The following ADARB2 variants were observed in gnomAD, a reference collection of about 807,000 sequenced individuals.
The protein encoded by ADARB2 is adenosine deaminase RNA specific B2 (inactive).
Under a neutral mutation model 62.2 loss-of-function variants are expected in ADARB2, and 25 were observed. The observed-to-expected ratio is 0.40, with a 90% confidence interval of 0.29 to 0.56. The LOEUF (loss-of-function observed/expected upper bound fraction) is 0.56, where lower values mean the gene tolerates loss of function less well. Ranked by LOEUF, ADARB2 falls within the 20% of genes least tolerant of loss-of-function variation. The pLI, the probability that ADARB2 is intolerant of heterozygous loss-of-function variation, is 0.43. For synonymous variants in ADARB2, 572 were observed against 500.8 expected (o/e 1.14, Z -1.90); for missense variants, 1,071 against 1,077.4 (o/e 0.99, Z 0.08).
At chr10:1,264,068 C>A (rs574553745) in intron 4 of ADARB2, among the ~76,000 whole-genome samples, 6 of 152,144 alleles carry the variant, frequency 3.9e-5, no homozygotes, top group African/African-American at 1.4e-4. Context: ...AGCCGTCGGC[C>A]TCCGTGAATC....
At chr10:1,204,914 A>G (rs1837032163) in intron 7 of ADARB2, among the ~76,000 whole-genome samples, 1 of 152,216 alleles carries the variant, frequency 6.6e-6, no homozygotes. Flanking sequence ...CTAGGCTCTC[A>G]GTGACCCCAC....
intron 3 of ADARB2, among the ~76,000 whole-genome samples, chr10:1,294,085 C>T (rs769561087): frequency 6.6e-6 from 1 of 152,110 alleles, no homozygotes; most frequent in Non-Finnish European, 1.5e-5. Flanking sequence ...AGGTGGGCTG[C>T]AGGGTGAGGA....
rs1832284695 is a variant in ADARB2 at position 1,363,681 on chromosome 10, A to G, written c.424T>C (p.Tyr142His). The change falls in exon 3 of 10, where the codon TAC (tyrosine) becomes CAC (histidine). Residue 142 changes from tyrosine to histidine, a missense_variant. Physicochemically the swap from Tyr to His is moderately conservative, Grantham distance 83 (BLOSUM62 2). Transcript: ENST00000381312. ...GGGCCCGTCTGCGACACTGTCCGGT[A>G]CTGCAGGCCCGGCCTCAGCTCGTGC... ...QLHELRPGLQ[Y>H]RTVSQTGPVH... 6.2e-7 allele frequency: 1 copy of G among 1,611,320 alleles called. No homozygotes were observed.
At chr10:1,511,480 T>C (rs571938794) in intron 1 of ADARB2, among the ~76,000 whole-genome samples, 1 of 151,644 alleles carries the variant, frequency 6.6e-6, no homozygotes, top group Non-Finnish European at 1.5e-5. Context: ...GTCAACGAGG[T>C]AGGGATTCCT....
At chr10:1,295,426 G>T (rs957832781) in intron 3 of ADARB2, among the ~76,000 whole-genome samples, 1 of 152,192 alleles carries the variant, frequency 6.6e-6, no homozygotes, top group African/African-American at 2.4e-5. Context: ...TCATTTAGGT[G>T]ATAATCAGAT....
At chr10:1,240,699 T>C (rs1589162660) in intron 5 of ADARB2, among the ~76,000 whole-genome samples, 1 of 152,064 alleles carries the variant, frequency 6.6e-6, no homozygotes, top group Non-Finnish European at 1.5e-5. Flanking sequence ...AGGCGTCGGG[T>C]GCACCTGTCT....
At chr10:1,699,346 G>A (rs78436672) in intron 1 of ADARB2, among the ~76,000 whole-genome samples, 3 of 17,780 alleles carry the variant, frequency 1.7e-4, no homozygotes, top group Admixed American at 5.0e-4. Flanking sequence ...CCACTCCACC[G>A]GGAGACCAGG....
chr10:1,507,685 G>A (rs868530210), intron 1 of ADARB2, among the ~76,000 whole-genome samples: 3 of 152,326 alleles, frequency 2.0e-5, no homozygotes, highest in Middle Eastern at 3.4e-3. Flanking sequence ...TCCAGGACTC[G>A]ATGGAGGGGC....
At chr10:1,539,093 G>T (rs1832375802) in intron 1 of ADARB2, among the ~76,000 whole-genome samples, 1 of 152,218 alleles carries the variant, frequency 6.6e-6, no homozygotes, top group Non-Finnish European at 1.5e-5. Context: ...TCCTCTAGGA[G>T]ACTGTAGCGG....
intron 1 of ADARB2, among the ~76,000 whole-genome samples, chr10:1,472,636 A>G (rs544487391): frequency 6.6e-6 from 1 of 152,374 alleles, no homozygotes; most frequent in African/African-American, 2.4e-5. Flanking sequence ...CTCACAATCT[A>G]GAAACATCTG....
At chr10:1,559,115 G>T (rs575619404) in intron 1 of ADARB2, among the ~76,000 whole-genome samples, 1 of 152,222 alleles carries the variant, frequency 6.6e-6, no homozygotes, top group Non-Finnish European at 1.5e-5. Flanking sequence ...CACTTCAGCT[G>T]CAGGGCCTGT....
chr10:1,451,156 C>T (rs1831031486), intron 1 of ADARB2, among the ~76,000 whole-genome samples: 1 of 151,034 alleles, frequency 6.6e-6, no homozygotes, highest in African/African-American at 2.4e-5. Flanking sequence ...CAAGTGTTTG[C>T]AGGAAATAGT....
chr10:1,636,313 T>C lies in ADARB2; in HGVS notation c.100+100738A>G, dbSNP rs141410282. Among the ~76,000 whole-genome samples the C allele has an allele frequency of 7.2e-3, 1,093 of 152,278 alleles. 6 individuals carry two copies. The highest frequency in any genetic ancestry group is 0.024 in the Middle Eastern group (7 of 294). On this transcript the variant is annotated intron_variant, in intron 1 of 9. Coordinates refer to ENST00000381312, the MANE Select transcript of ADARB2 (RefSeq NM_018702.4). ...AGGCGGATCACTTGAGCCCAGGAGT[T>C]TGAGACCAGCCTGGGCTACAAAGAA...
rs117836003 is a variant in ADARB2, at chr10:1,456,520, C to T, written c.101-77360G>A. ...CCCCACACTAATTTTCTGCTCTTAGCTCTTGCCAGGCTGCAACCCCCACCT... is the reference window on the plus strand; with the variant it reads ...CCCCACACTAATTTTCTGCTCTTAGTTCTTGCCAGGCTGCAACCCCCACCT... On this transcript the variant is annotated intron_variant, in intron 1 of 9. Coordinates refer to ENST00000381312, the MANE Select transcript of ADARB2 (RefSeq NM_018702.4). 1.8e-3 allele frequency among the ~76,000 whole-genome samples: 281 copies of T among 152,290 alleles called. 7 individuals carry two copies. In the East Asian group the frequency reaches 0.048, roughly 26 times the overall value.
chr10:1,548,603 A>G (rs1832562523), intron 1 of ADARB2, among the ~76,000 whole-genome samples: 1 of 152,234 alleles, frequency 6.6e-6, no homozygotes, highest in Non-Finnish European at 1.5e-5. Flanking sequence ...CTAGAGGGTC[A>G]GATTTGGCAA....
chr10:1,307,598 A>C (rs1371812488), intron 3 of ADARB2, among the ~76,000 whole-genome samples: 1 of 143,506 alleles, frequency 7.0e-6, no homozygotes. Flanking sequence ...CCAAAGGACT[A>C]TAAATCATGC....
chr10:1,305,015 A>G (rs28768082), intron 3 of ADARB2, among the ~76,000 whole-genome samples: 12,589 of 83,428 alleles, frequency 0.15, 4,246 homozygotes, highest in African/African-American at 0.31. Context: ...AAGGCAAGAA[A>G]TAACAAGCTA....
intron 1 of ADARB2, among the ~76,000 whole-genome samples, chr10:1,494,802 T>G (rs72764927): frequency 0.21 from 31,197 of 152,082 alleles, 3,439 homozygotes; most frequent in Non-Finnish European, 0.25. Flanking sequence ...GTTTACCATG[T>G]GCTCCAAACC....
In ADARB2 at chr10:1,253,113, GA is replaced by G. The variant is rs561133065; in HGVS notation, c.1193-10815del. On this transcript the variant is annotated intron_variant, in intron 4 of 9. Coordinates refer to ENST00000381312, the MANE Select transcript of ADARB2 (RefSeq NM_018702.4). ...TAATTGTGTTCAGTTATCTTGTTTGGAAAAAGTTTTTAAAGATTAAAGAAAA... is the reference window on the plus strand; with the variant it reads ...TAATTGTGTTCAGTTATCTTGTTTGGAAAAGTTTTTAAAGATTAAAGAAAA... Among the ~76,000 whole-genome samples the G allele has an allele frequency of 2.1e-4, 32 of 152,226 alleles. No individual in the cohort carries two copies. In the South Asian group the frequency reaches 6.4e-3, roughly 31 times the overall value.
Sources: gnomAD v4.1 joint callset for allele counts (sites outside exome capture counted in the v4.1 genomes callset) on GRCh38, gnomAD v4.1.1 for gene constraint, MANE v1.5 for transcripts, NCBI Gene and HGNC (gene_info 2026-07-23, HGNC 2026-07-21) for gene names.